The following PLCB1 variants were observed in gnomAD, a reference collection of about 807,000 sequenced individuals.
PLCB1 encodes 1-phosphatidylinositol 4,5-bisphosphate phosphodiesterase beta-1.
Under a neutral mutation model 161.8 loss-of-function variants are expected in PLCB1, and 46 were observed. That is an observed-to-expected ratio of 0.28 (90% CI 0.22 to 0.36). The LOEUF (loss-of-function observed/expected upper bound fraction) is 0.36, where lower values mean the gene tolerates loss of function less well. Ranked by LOEUF, PLCB1 falls within the 10% of genes least tolerant of loss-of-function variation. The pLI is 1.00. For synonymous variants in PLCB1, 517 were observed against 503.7 expected, an observed-to-expected ratio of 1.03 and a Z score of -0.35; for missense variants, 1,016 against 1,472.5, an observed-to-expected ratio of 0.69 and a Z score of 5.07.
chr20:8,724,832 T>TGTTA, intron 16 of PLCB1, 80 bp downstream of exon 16: 1 of 787,280 alleles, frequency 1.3e-6, no homozygotes, highest in Non-Finnish European at 2.2e-6. Context: ...GACCAAAGAA[T>TGTTA]GTTACCCTTA....
chr20:8,207,904 C>T (rs541278615), intron 2 of PLCB1, among the ~76,000 whole-genome samples: 1 of 152,240 alleles, frequency 6.6e-6, no homozygotes, highest in South Asian at 2.1e-4. Flanking sequence ...ATAACTGCCT[C>T]CTTTCTCCTC....
intron 3 of PLCB1, among the ~76,000 whole-genome samples, chr20:8,402,214 C>G (rs536270165): frequency 6.6e-6 from 1 of 152,038 alleles, no homozygotes; most frequent in South Asian, 2.1e-4. Context: ...TATTGTTCTC[C>G]TAAAAACCAT....
At chr20:8,541,752 C>CCATT (rs1352698579) in intron 3 of PLCB1, among the ~76,000 whole-genome samples, 1 of 152,176 alleles carries the variant, frequency 6.6e-6, no homozygotes, top group Non-Finnish European at 1.5e-5. Flanking sequence ...CCATGCTTCA[C>CCATT]TTAATGGTTT....
intron 1 of PLCB1, among the ~76,000 whole-genome samples, chr20:8,137,759 C>T (rs1260144687): frequency 6.6e-6 from 1 of 152,192 alleles, no homozygotes; most frequent in Non-Finnish European, 1.5e-5. Context: ...CCAGTCCCTA[C>T]GTCCCCTTCT....
chr20:8,386,626 A>G (rs527891690), intron 3 of PLCB1, among the ~76,000 whole-genome samples: 77 of 152,314 alleles, frequency 5.1e-4, no homozygotes, highest in African/African-American at 1.8e-3. Context: ...AAAGTTACCA[A>G]CTGCCTTAAT....
intron 2 of PLCB1, among the ~76,000 whole-genome samples, chr20:8,255,590 C>A (rs1399112488): frequency 2.0e-5 from 3 of 151,926 alleles, no homozygotes; most frequent in Non-Finnish European, 4.4e-5. Context: ...CATTAATATC[C>A]TTCTAATAAA....
chr20:8,449,397 G>A (rs966751777), intron 3 of PLCB1, among the ~76,000 whole-genome samples: 10 of 152,194 alleles, frequency 6.6e-5, no homozygotes, highest in Non-Finnish European at 1.2e-4. Context: ...CACAAGTGCT[G>A]TAGACAGTTA....
intron 4 of PLCB1, 144 bp downstream of exon 4, chr20:8,628,575 A>G: frequency 2.7e-6 from 2 of 749,342 alleles, no homozygotes; most frequent in Non-Finnish European, 4.4e-6. Context: ...GCCAAGTATA[A>G]GTGCAATTAA....
intron 3 of PLCB1, among the ~76,000 whole-genome samples, chr20:8,588,212 A>G (rs1987047497): frequency 6.6e-6 from 1 of 152,210 alleles, no homozygotes. Flanking sequence ...CCTGGTCTGA[A>G]GAGGCCTCCA....
intron 2 of PLCB1, among the ~76,000 whole-genome samples, chr20:8,296,626 C>G (rs1983643811): frequency 6.6e-6 from 1 of 151,858 alleles, no homozygotes; most frequent in Non-Finnish European, 1.5e-5. Context: ...GTACATAGCC[C>G]TTTCTTTCTG....
At chr20:8,275,655 G>A (rs548744040) in intron 2 of PLCB1, among the ~76,000 whole-genome samples, 3 of 152,216 alleles carry the variant, frequency 2.0e-5, no homozygotes, top group African/African-American at 7.2e-5. Flanking sequence ...TAACTGTTTT[G>A]CCCATGTTTA....
At chr20:8,836,081 G>A (rs6140738) in intron 31 of PLCB1, among the ~76,000 whole-genome samples, 2 of 151,708 alleles carry the variant, frequency 1.3e-5, no homozygotes, top group Non-Finnish European at 2.9e-5. Context: ...CAGGAGTGAC[G>A]GGGCCCTGTG....
chr20:8,654,389 TG>T (rs1989397693), intron 7 of PLCB1, among the ~76,000 whole-genome samples: 3 of 152,080 alleles, frequency 2.0e-5, no homozygotes, highest in African/African-American at 7.2e-5. Flanking sequence ...GACCACGTCC[TG>T]GATTAAAACA....
chr20:8,704,952 A>G (rs189533338), intron 11 of PLCB1, among the ~76,000 whole-genome samples: 1 of 151,586 alleles, frequency 6.6e-6, no homozygotes, highest in Admixed American at 6.6e-5. Flanking sequence ...GCTCAAAAAC[A>G]GTCAGGCAGA....
chr20:8,411,443 A>G (rs923922998), intron 3 of PLCB1, among the ~76,000 whole-genome samples: 24 of 152,218 alleles, frequency 1.6e-4, no homozygotes, highest in African/African-American at 5.5e-4. Flanking sequence ...TGCTACCTAA[A>G]CAAGAGTGGG....
intron 31 of PLCB1, among the ~76,000 whole-genome samples, chr20:8,815,112 T>A (rs764138656): frequency 2.6e-5 from 4 of 151,780 alleles, no homozygotes; most frequent in Admixed American, 6.5e-5. Flanking sequence ...AGGTCATCGC[T>A]GCACTGCTTC....
intron 25 of PLCB1, among the ~76,000 whole-genome samples, 181 bp from the exon 26 acceptor site, chr20:8,764,951 GTAACATA>G (rs1982237312): frequency 6.6e-6 from 1 of 152,166 alleles, no homozygotes; most frequent in Non-Finnish European, 1.5e-5. Context: ...GAGAAGTTTA[GTAACATA>G]GTCTCAAAGT....
At chr20:8,246,583 G>A (rs986781852) in intron 2 of PLCB1, among the ~76,000 whole-genome samples, 15 of 151,952 alleles carry the variant, frequency 9.9e-5, no homozygotes, top group Non-Finnish European at 1.9e-4. Context: ...AGGACACATA[G>A]CAGAAGGCAA....
intron 3 of PLCB1, among the ~76,000 whole-genome samples, chr20:8,442,282 A>G (rs190372731): frequency 1.3e-5 from 2 of 152,304 alleles, no homozygotes; most frequent in East Asian, 3.9e-4. Flanking sequence ...CTGAATACTG[A>G]GATGTTCAAG....
Sources: allele counts gnomAD v4.1 joint callset (sites outside exome capture counted in the v4.1 genomes callset), GRCh38; gene constraint gnomAD v4.1.1; transcripts MANE v1.5; gene names NCBI Gene and HGNC (gene_info 2026-07-23, HGNC 2026-07-21).